HOATZ: variants seen among roughly 807,000 people sequenced by gnomAD.
The protein encoded by HOATZ is cilia- and flagella-associated protein HOATZ.
HOATZ carries 26 observed loss-of-function variants against 24.9 expected under a neutral mutation model. That is an observed-to-expected ratio of 1.04 (90% confidence interval 0.76 to 1.45). The LOEUF (loss-of-function observed/expected upper bound fraction) is 1.45, where lower values mean the gene tolerates loss of function less well. Among genes scored for constraint, HOATZ ranks in the 40% most tolerant of loss-of-function variants. The pLI is 0.00. For synonymous variants in HOATZ, 83 were observed against 76.6 expected (o/e 1.08, Z -0.43); for missense variants, 226 against 201.5 (o/e 1.12, Z -0.74).
At position 111,536,918 on chromosome 11, in the gene HOATZ, A is replaced by T; in HGVS notation, c.*91A>T. The stretch of plus-strand genomic sequence containing the variant: ...ATCAGGATCATTGAGATCACTGGCA[A>T]CATTATAGTAGACAAAGAAATACAA... On this transcript the variant is annotated 3_prime_UTR_variant, in exon 6 of 6. Transcript: ENST00000375618. The T allele has an allele frequency of 1.0e-6, 1 of 970,030 alleles. No individual in the cohort carries two copies. Among genetic ancestry groups the T allele is most frequent in the Non-Finnish European group, 1.7e-6 (1 of 605,464 alleles). 60.1% of individuals were successfully genotyped at this position (970,030 alleles called of 1,614,324 possible). A position where few individuals can be genotyped will look rare whatever the true frequency, so the allele number is the denominator to read the frequency against.
chr11:111,518,888 C>A, intron 3 of HOATZ: 1 of 326,942 alleles, frequency 3.1e-6, no homozygotes, highest in Non-Finnish European at 6.3e-6. Flanking sequence ...CAGAGACTAG[C>A]AGAATGAATA....
Position 111,534,469 on chromosome 11 carries a change from G to A in HOATZ, c.452+5G>A. On this transcript the variant is annotated splice_donor_5th_base_variant and intron_variant, in intron 5 of 5. Transcript: ENST00000375618. ...AGCCAAAGAACACAAAGCAAAGTAAGTTTACCTATGTCAAAAATATTCTCT... is the reference window on the plus strand; with the variant it reads ...AGCCAAAGAACACAAAGCAAAGTAAATTTACCTATGTCAAAAATATTCTCT... The A allele has an allele frequency of 1.3e-6, 2 of 1,599,582 alleles. No individual in the cohort carries two copies. The highest frequency in any genetic ancestry group is 1.7e-6 in the Non-Finnish European group (2 of 1,166,898).
At chr11:111,528,865 T>C (rs1359547450) in intron 3 of HOATZ, among the ~76,000 whole-genome samples, 1 of 152,234 alleles carries the variant, frequency 6.6e-6, no homozygotes, top group African/African-American at 2.4e-5. Flanking sequence ...TCTGTGTGTT[T>C]GAAGTGTGGC....
chr11:111,522,291 C>A (rs1867278498), intron 3 of HOATZ, among the ~76,000 whole-genome samples: 1 of 152,140 alleles, frequency 6.6e-6, no homozygotes, highest in Non-Finnish European at 1.5e-5. Context: ...TAATGCAGAA[C>A]TATCAATTTG....
At chr11:111,525,030 A>C (rs1465236574) in intron 3 of HOATZ, 2 of 329,896 alleles carry the variant, frequency 6.1e-6, no homozygotes, top group African/African-American at 4.5e-5. Flanking sequence ...CATCACATCC[A>C]GCTACATTTT....
chr11:111,516,582 T>G (rs886799261), intron 3 of HOATZ, among the ~76,000 whole-genome samples: 1 of 152,102 alleles, frequency 6.6e-6, no homozygotes, highest in African/African-American at 2.4e-5. Context: ...CCAGGCCTGC[T>G]GGTGCATACC....
chr11:111,536,817 CTTTGGACTAA>C lies in HOATZ; in HGVS notation c.505_*4del. The C allele has an allele frequency of 6.2e-7, 1 of 1,613,638 alleles. No individual in the cohort carries two copies. Among genetic ancestry groups the C allele is most frequent in the Non-Finnish European group, 8.5e-7 (1 of 1,179,640 alleles). On this transcript the variant is annotated frameshift_variant and stop_lost, in exon 6 of 6. Coordinates refer to ENST00000375618, the MANE Select transcript of HOATZ (RefSeq NM_001100388.2). LOFTEE classifies it high-confidence loss of function. ...AAAGAGGACCAAGAAGAAGTCAAAACTTTGGACTAATTTGCTTGACACATGGCAGAGGATG... is the reference window on the plus strand; with the variant it reads ...AAAGAGGACCAAGAAGAAGTCAAAACTTTGCTTGACACATGGCAGAGGATG...
intron 1 of HOATZ, 33 bp from the exon 2 acceptor site, chr11:111,515,478 A>G (rs1225037173): frequency 1.4e-5 from 23 of 1,593,724 alleles, no homozygotes; most frequent in Admixed American, 3.3e-5. Context: ...GACTTTTCCA[A>G]TGATTTCTTT....
intron 3 of HOATZ, among the ~76,000 whole-genome samples, chr11:111,525,529 A>T (rs1867329592): frequency 1.3e-5 from 2 of 152,196 alleles, no homozygotes; most frequent in South Asian, 4.1e-4. Context: ...GCCAAGCTGA[A>T]CTCTACAGAA....
At chr11:111,533,890 C>T (rs1008521002) in intron 4 of HOATZ, 85 bp downstream of exon 4, 2 of 934,434 alleles carry the variant, frequency 2.1e-6, no homozygotes, top group African/African-American at 3.5e-5. Context: ...AGATTGAACC[C>T]TTAAATCTAG....
At chr11:111,531,837 G>A (rs1449031236) in intron 3 of HOATZ, among the ~76,000 whole-genome samples, 3 of 152,180 alleles carry the variant, frequency 2.0e-5, no homozygotes, top group Admixed American at 6.5e-5. Flanking sequence ...GCTGCCCAGC[G>A]TGGGCCCCTT....
chr11:111,515,549 A>G lies in HOATZ; in HGVS notation c.265A>G (p.Asn89Asp), dbSNP rs368855991. 1.4e-5 allele frequency: 22 copies of G among 1,612,692 alleles called. No homozygotes were observed. Among genetic ancestry groups the G allele is most frequent in the Middle Eastern group, 1.6e-4 (1 of 6,080 alleles). Residue 89 changes from asparagine (N) to aspartate (D), a missense_variant, in exon 2 of 6, where the codon AAC (asparagine) becomes GAC (aspartate). Physicochemically the swap from Asn to Asp is conservative, Grantham distance 23. Transcript: ENST00000375618. ...HSSQSFHLAS[N>D]KNRDIFAEAL... Reference sequence around the variant, plus strand: ...CTCGCAGTCTTTTCACCTTGCGAGTAACAGTAAGTACCAAGTTTTATGCCT... The same window carrying G: ...CTCGCAGTCTTTTCACCTTGCGAGTGACAGTAAGTACCAAGTTTTATGCCT...
At chr11:111,525,498 G>A (rs775400091) in intron 3 of HOATZ, among the ~76,000 whole-genome samples, 1 of 152,164 alleles carries the variant, frequency 6.6e-6, no homozygotes, top group African/African-American at 2.4e-5. Context: ...ACATGTGGGC[G>A]CCCTGCACTG....
At chr11:111,536,744 G>T in intron 5 of HOATZ, 26 bp from the exon 6 acceptor site, 1 of 1,587,372 alleles carries the variant, frequency 6.3e-7, no homozygotes, top group South Asian at 1.1e-5. Flanking sequence ...CTGTGTATTG[G>T]AACTGACTGA....
chr11:111,515,615 T>C, intron 2 of HOATZ, 63 bp downstream of exon 2: 1 of 1,342,690 alleles, frequency 7.4e-7, no homozygotes, highest in Non-Finnish European at 1.1e-6. Context: ...AAATAGACAA[T>C]AAGTACAAGG....
intron 3 of HOATZ, 39 bp from the exon 4 acceptor site, chr11:111,533,707 A>G (rs1186229288): frequency 7.0e-7 from 1 of 1,429,178 alleles, no homozygotes; most frequent in Non-Finnish European, 9.7e-7. Context: ...AGTCTTTATT[A>G]TTGAATCGAG....
chr11:111,516,882 G>A (rs1452249034), intron 3 of HOATZ, among the ~76,000 whole-genome samples: 1 of 152,140 alleles, frequency 6.6e-6, no homozygotes, highest in Non-Finnish European at 1.5e-5. Flanking sequence ...TCTCTTTCTG[G>A]CAACATCCTT....
chr11:111,523,984 T>C (rs1459500041), intron 3 of HOATZ, among the ~76,000 whole-genome samples: 1 of 152,204 alleles, frequency 6.6e-6, no homozygotes, highest in African/African-American at 2.4e-5. Flanking sequence ...CTTCCAAGTT[T>C]CTTAAGGTGA....
Position 111,533,802 on chromosome 11 carries a change from C to G in HOATZ, c.396C>G (p.Ile132Met), listed in dbSNP as rs201454856. ...QLLRKQREER[I>M]SKELISLPYK... ...TAAGAAAACAAAGAGAAGAAAGGAT[C>G]TCGGTGAGACCAATAGTGAGGCATT... Residue 132 changes from isoleucine (I) to methionine (M), a missense_variant, in exon 4 of 6, where the codon ATC (isoleucine) becomes ATG (methionine). By Grantham distance (10) the Ile-to-Met change is conservative. Coordinates refer to ENST00000375618, the MANE Select transcript of HOATZ (RefSeq NM_001100388.2). 15 of 1,568,056 alleles carry G rather than the reference C, an allele frequency of 9.6e-6. No individual in the cohort carries two copies. The East Asian group carries it at 3.0e-4, about 31-fold the overall frequency.
Sources: gnomAD v4.1 joint callset for allele counts (sites outside exome capture counted in the v4.1 genomes callset) on GRCh38, gnomAD v4.1.1 for gene constraint, MANE v1.5 for transcripts, NCBI Gene and HGNC (gene_info 2026-07-23, HGNC 2026-07-21) for gene names.